The following COL15A1 variants were observed in gnomAD, a reference collection of about 807,000 sequenced individuals.
COL15A1 encodes collagen alpha-1(XV) chain.
COL15A1 carries 111 observed loss-of-function variants against 165.9 expected under a neutral mutation model. The observed-to-expected ratio is 0.67, with a 90% confidence interval of 0.57 to 0.78. The LOEUF is 0.78. Among genes scored for constraint, COL15A1 ranks in the 30% least tolerant of loss-of-function variants. The pLI is 0.00. For synonymous variants in COL15A1, 659 were observed against 674.8 expected (o/e 0.98, Z 0.36); for missense variants, 1,745 against 1,789.7 (o/e 0.98, Z 0.45).
intron 26 of COL15A1, 106 bp from the exon 27 acceptor site, chr9:99,047,680 C>A: frequency 1.7e-6 from 2 of 1,171,358 alleles, no homozygotes; most frequent in Non-Finnish European, 1.3e-6. Flanking sequence ...TTCCTCCTGT[C>A]AGTGGATCAT....
At chr9:99,025,413 C>T (rs1470948077) in intron 15 of COL15A1, among the ~76,000 whole-genome samples, 1 of 152,142 alleles carries the variant, frequency 6.6e-6, no homozygotes, top group African/African-American at 2.4e-5. Context: ...CAACTATAGG[C>T]TAATGGAAGT....
chr9:99,044,766 CAATGGTAAGTCAG>C lies in COL15A1; in HGVS notation c.2677_2679+10del, dbSNP rs1458021226. On this transcript the variant is annotated splice_donor_variant and splice_donor_5th_base_variant and coding_sequence_variant and intron_variant, in exon 26 of 42. Coordinates refer to ENST00000375001, the MANE Select transcript of COL15A1 (RefSeq NM_001855.5). LOFTEE classifies it high-confidence loss of function. ...CCTGGAATGCATGGAGCCCCAGGAC[CAATGGTAAGTCAG>C]AGCGTCTCTCAGCTGGATCTGGGCT... The C allele has an allele frequency of 6.2e-7, 1 of 1,613,058 alleles. No homozygotes were observed.
At chr9:99,002,619 C>T (rs868861075) in intron 7 of COL15A1, among the ~76,000 whole-genome samples, 9 of 152,270 alleles carry the variant, frequency 5.9e-5, no homozygotes, top group East Asian at 1.9e-4. Flanking sequence ...CTTTAGCTGA[C>T]GCTGAGTTAG....
In COL15A1 at chr9:98,954,346, G is replaced by T. The variant is rs1223114117; in HGVS notation, c.100+10096G>T. On this transcript the variant is annotated intron_variant, in intron 2 of 41. Transcript: ENST00000375001. ...TCAAAGATAAACCCTGCTAGCATTTGATGGACTGTGTTTCAAGTTTATTTT... is the reference window on the plus strand; with the variant it reads ...TCAAAGATAAACCCTGCTAGCATTTTATGGACTGTGTTTCAAGTTTATTTT... Among the ~76,000 whole-genome samples, 6 of 152,188 alleles carry T rather than the reference G, an allele frequency of 3.9e-5. No homozygotes were observed. In the South Asian group the frequency reaches 1.2e-3, roughly 32 times the overall value.
chr9:99,056,524 T>G, intron 35 of COL15A1, 120 bp downstream of exon 35: 42 of 1,389,350 alleles, frequency 3.0e-5, no homozygotes, highest in Non-Finnish European at 4.0e-5. Context: ...GGATACCGCC[T>G]TCTTTCTTTT....
chr9:98,953,214 T>C (rs1429518143), intron 2 of COL15A1, among the ~76,000 whole-genome samples: 1 of 152,202 alleles, frequency 6.6e-6, no homozygotes, highest in Admixed American at 6.5e-5. Context: ...CCTATTGCTG[T>C]CAACAAAGTG....
intron 5 of COL15A1, among the ~76,000 whole-genome samples, chr9:98,991,220 G>A (rs758168235): frequency 7.3e-5 from 11 of 151,588 alleles, no homozygotes; most frequent in East Asian, 1.9e-4. Context: ...CCAAGTTGCC[G>A]CTGCTCACTC....
chr9:98,960,407 A>C (rs940074537), intron 2 of COL15A1, among the ~76,000 whole-genome samples: 1 of 152,180 alleles, frequency 6.6e-6, no homozygotes, highest in African/African-American at 2.4e-5. Context: ...CTGTTTCAAA[A>C]ATAAAAAAGA....
At chr9:99,050,036 G>A in intron 30 of COL15A1, 141 bp downstream of exon 30, 1 of 1,150,678 alleles carries the variant, frequency 8.7e-7, no homozygotes, top group Non-Finnish European at 1.2e-6. Context: ...AGACCCTCAA[G>A]TGACTAGAAG....
chr9:99,012,865 C>T (rs1381474538), intron 9 of COL15A1, among the ~76,000 whole-genome samples: 1 of 151,896 alleles, frequency 6.6e-6, no homozygotes, highest in Non-Finnish European at 1.5e-5. Context: ...GTGCGTGCCA[C>T]CATGCCCAGC....
In COL15A1 at chr9:99,049,895, A is replaced by C. The variant is rs757609073; in HGVS notation, c.2904A>C (p.Pro968=). 11 of 1,614,134 alleles carry C rather than the reference A, an allele frequency of 6.8e-6. No homozygotes were observed. The highest frequency in any genetic ancestry group is 1.7e-5 in the Admixed American group (1 of 60,012). Residue 968 remains proline, a splice_region_variant and synonymous_variant, in exon 30 of 42, where the codon CCA becomes CCC. Transcript: ENST00000375001. ...PIPVRPHCKM[P]VDTAHPGSPE... ...CCGTCCGACCACACTGCAAAATGCC[A>C]GTAAGTAGCAATCACTGCCTTAAAG...
At chr9:98,964,873 G>A (rs1173872688) in intron 2 of COL15A1, among the ~76,000 whole-genome samples, 3 of 152,174 alleles carry the variant, frequency 2.0e-5, no homozygotes, top group African/African-American at 7.2e-5. Context: ...TTCTTCATCA[G>A]CGCCTTGGCC....
chr9:99,030,669 A>C (rs1839201311), intron 16 of COL15A1, among the ~76,000 whole-genome samples: 1 of 152,250 alleles, frequency 6.6e-6, no homozygotes, highest in Non-Finnish European at 1.5e-5. Flanking sequence ...GGAATGAGGA[A>C]GGCAACTGAA....
intron 9 of COL15A1, among the ~76,000 whole-genome samples, chr9:99,013,454 T>C (rs767069812): frequency 1.3e-4 from 20 of 151,922 alleles, no homozygotes; most frequent in South Asian, 1.0e-3. Flanking sequence ...CACTAGCCAA[T>C]TGAGATTAAT....
chr9:99,059,907 C>A lies in COL15A1; in HGVS notation c.3356C>A (p.Pro1119His). ...GTCTTAGCTGTGGCCCTTCCAGGTC[C>A]CCCTGGCCCTCCAGGACAGCCAGGG... ...ILGAAVALPG[P>H]PGPPGQPGLP... The change falls in exon 36 of 42, where the codon CCC becomes CAC. Residue 1119 changes from proline to histidine, a missense_variant. Transcript: ENST00000375001. 1.2e-6 allele frequency: 2 copies of A among 1,613,878 alleles called. No homozygotes were observed. Among genetic ancestry groups the A allele is most frequent in the Non-Finnish European group, 1.7e-6 (2 of 1,179,900 alleles).
chr9:99,001,052 G>A (rs1261707861), intron 7 of COL15A1, 101 bp downstream of exon 7: 1 of 704,346 alleles, frequency 1.4e-6, no homozygotes, highest in Non-Finnish European at 2.6e-6. Context: ...GAACCACAAG[G>A]GTTTTGGTTG....
At chr9:98,971,656 G>A (rs954549168) in intron 2 of COL15A1, among the ~76,000 whole-genome samples, 1 of 152,250 alleles carries the variant, frequency 6.6e-6, no homozygotes, top group East Asian at 1.9e-4. Flanking sequence ...ACTGCAGCAA[G>A]ACAGCAGGAA....
chr9:98,971,370 G>A (rs1838049591), intron 2 of COL15A1, among the ~76,000 whole-genome samples: 1 of 152,066 alleles, frequency 6.6e-6, no homozygotes, highest in Admixed American at 6.6e-5. Flanking sequence ...GCCGGGTGGG[G>A]GTGATGACTC....
chr9:98,948,262 C>G (rs1198663605), intron 2 of COL15A1, among the ~76,000 whole-genome samples: 1 of 152,062 alleles, frequency 6.6e-6, no homozygotes, highest in Non-Finnish European at 1.5e-5. Flanking sequence ...GCAGAATGTC[C>G]TGTGTGCAGC....
Sources: allele counts gnomAD v4.1 joint callset (sites outside exome capture counted in the v4.1 genomes callset), GRCh38; gene constraint gnomAD v4.1.1; transcripts MANE v1.5; gene names NCBI Gene and HGNC (gene_info 2026-07-23, HGNC 2026-07-21).